Variants in SECISBP2L observed in about 807,000 individuals in gnomAD.
SECISBP2L encodes the protein selenocysteine insertion sequence-binding protein 2-like.
A neutral mutation model predicts 114.7 loss-of-function variants in SECISBP2L; 43 were observed. The ratio of observed to expected loss-of-function variants is 0.38; its 90% CI spans 0.29 to 0.48. The LOEUF (loss-of-function observed/expected upper bound fraction) is 0.48, where lower values mean the gene tolerates loss of function less well. Among genes scored for constraint, SECISBP2L ranks in the 20% least tolerant of loss-of-function variants. SECISBP2L has a pLI of 0.98. For missense variants in SECISBP2L, 1,136 were observed against 1,301.1 expected (o/e 0.87, Z 1.95); for synonymous variants, 451 against 439.7 (o/e 1.03, Z -0.32).
chr15:49,035,703 A>G (rs762568105), intron 2 of SECISBP2L, 45 bp from the exon 3 acceptor site: 7 of 1,528,822 alleles, frequency 4.6e-6, no homozygotes, highest in Non-Finnish European at 6.2e-6. Flanking sequence ...GACAAGTCTA[A>G]AAATACCACT....
At position 49,019,443 on chromosome 15, in the gene SECISBP2L, G is replaced by T; in HGVS notation, c.1145C>A (p.Pro382Gln). 6.9e-7 allele frequency: 1 copy of T among 1,454,280 alleles called. No individual in the cohort carries two copies. Among genetic ancestry groups the T allele is most frequent in the Non-Finnish European group, 9.0e-7 (1 of 1,114,720 alleles). 90.1% of individuals were successfully genotyped at this position (1,454,280 alleles called of 1,614,324 possible). The change falls in exon 8 of 18, where the codon CCA becomes CAA. Residue 382 changes from proline to glutamine, a missense_variant. This residue lies in a region of SECISBP2L where 684 missense variants were observed against 848.7 expected (regional missense o/e 0.81). Transcript: ENST00000559471. ...LSSSQSHRSD[P>Q]NSESLYFEDE... is the part of the protein sequence containing the mutation. ...CTCAAAATATAAAGACTCAGAATTT[G>T]GATCGCTTCTATGGGATTGACTAGA...
rs1331760920 is a variant in SECISBP2L at position 49,009,328 on chromosome 15, T to A, written c.1915A>T (p.Asn639Tyr). 6.2e-7 allele frequency: 1 copy of A among 1,614,148 alleles called. No individual in the cohort carries two copies. Reference sequence around the variant, plus strand: ...ACAGGTGTCATACAGTATGGAGAGTTCTGACTTGCTGGAGAGAGTGAAGTA... The same window carrying A: ...ACAGGTGTCATACAGTATGGAGAGTACTGACTTGCTGGAGAGAGTGAAGTA... ...SDTSLSPASQNSPYCMTPVSQ... is the reference protein window; with the variant it reads ...SDTSLSPASQYSPYCMTPVSQ... The change falls in exon 14 of 18, where the codon AAC (asparagine) becomes TAC (tyrosine). Residue 639 changes from asparagine (N) to tyrosine (Y), a missense_variant. Transcript: ENST00000559471.
At chr15:49,009,727 C>CCT (rs1194325357) in intron 13 of SECISBP2L, among the ~76,000 whole-genome samples, 1 of 151,630 alleles carries the variant, frequency 6.6e-6, no homozygotes, top group African/African-American at 2.4e-5. Flanking sequence ...AAAAACATTC[C>CCT]CTCTCTCTCT....
rs1342227244 is a variant in SECISBP2L, at chr15:49,016,719, A to G, written c.1420-18T>C. 12 of 1,528,268 alleles carry G rather than the reference A, an allele frequency of 7.9e-6. No homozygotes were observed. In the Admixed American group the frequency reaches 8.8e-5, roughly 11 times the overall value. The allele number at this position is 1,528,268 out of a possible 1,614,324, so 94.7% of individuals were successfully genotyped here. A position where few individuals can be genotyped will look rare whatever the true frequency, so the allele number is the denominator to read the frequency against. On this transcript the variant is annotated intron_variant, in intron 10 of 17. Coordinates refer to ENST00000559471, the MANE Select transcript of SECISBP2L (RefSeq NM_001193489.2). ...AAAGCTTCCTACAAAATAAATATAAAAAATTAATTTTTTTGTTATAGTACG... is the reference window on the plus strand; with the variant it reads ...AAAGCTTCCTACAAAATAAATATAAGAAATTAATTTTTTTGTTATAGTACG...
chr15:48,996,459 A>T lies in SECISBP2L; in HGVS notation c.2531T>A (p.Met844Lys). ...TGCAGAGGGATTCCGAGAATGTCCCATGTGGTGTGGTACCTTCTTCACATT... is the reference window on the plus strand; with the variant it reads ...TGCAGAGGGATTCCGAGAATGTCCCTTGTGGTGTGGTACCTTCTTCACATT... ...LKNVKKVPHH[M>K]GHSRNPSAAS... Residue 844 changes from methionine to lysine, a missense_variant, in exon 17 of 18, where the codon ATG (methionine) becomes AAG (lysine). Physicochemically the swap from Met to Lys is moderately conservative, Grantham distance 95 (BLOSUM62 -1). Coordinates refer to ENST00000559471, the MANE Select transcript of SECISBP2L (RefSeq NM_001193489.2). 6.2e-7 allele frequency: 1 copy of T among 1,614,124 alleles called. No individual in the cohort carries two copies. The highest frequency in any genetic ancestry group is 8.5e-7 in the Non-Finnish European group (1 of 1,179,990).
At chr15:49,026,485 A>G (rs948835670) in intron 7 of SECISBP2L, among the ~76,000 whole-genome samples, 13 of 152,228 alleles carry the variant, frequency 8.5e-5, no homozygotes, top group Admixed American at 7.9e-4. Context: ...ACTATACTTT[A>G]TAACTATGTA....
At chr15:49,014,387 C>T (rs1902496111) in intron 11 of SECISBP2L, among the ~76,000 whole-genome samples, 1 of 152,186 alleles carries the variant, frequency 6.6e-6, no homozygotes, top group African/African-American at 2.4e-5. Context: ...AATCTGATTT[C>T]CACAACTTCA....
chr15:49,045,492 T>C (rs527624639), intron 1 of SECISBP2L, among the ~76,000 whole-genome samples: 2 of 152,192 alleles, frequency 1.3e-5, no homozygotes, highest in South Asian at 4.1e-4. Flanking sequence ...GAGTGGAAAA[T>C]ACTGGGGGGG....
chr15:49,034,109 T>C (rs995546582), intron 3 of SECISBP2L, among the ~76,000 whole-genome samples: 3 of 152,074 alleles, frequency 2.0e-5, no homozygotes, highest in Admixed American at 2.0e-4. Context: ...GAACAAAAAC[T>C]AAAAGCTTTT....
chr15:49,001,211 G>T, intron 14 of SECISBP2L, 114 bp from the exon 15 acceptor site: 1 of 682,750 alleles, frequency 1.5e-6, no homozygotes, highest in Non-Finnish European at 2.4e-6. Context: ...AAGTTTTCAT[G>T]AAAAGTCTCT....
At chr15:48,997,970 C>T (rs1902128923) in intron 16 of SECISBP2L, among the ~76,000 whole-genome samples, 1 of 152,182 alleles carries the variant, frequency 6.6e-6, no homozygotes, top group South Asian at 2.1e-4. Flanking sequence ...TCTACAGCCA[C>T]CAGAAGGCCA....
intron 14 of SECISBP2L, among the ~76,000 whole-genome samples, chr15:49,005,337 AAG>A (rs1902294701): frequency 7.0e-6 from 1 of 142,770 alleles, no homozygotes; most frequent in Admixed American, 7.0e-5. Flanking sequence ...CTCAAAAAAA[AAG>A]TCTCCCACTA....
chr15:48,997,006 G>C (rs1902105834), intron 16 of SECISBP2L, among the ~76,000 whole-genome samples: 1 of 152,206 alleles, frequency 6.6e-6, no homozygotes, highest in African/African-American at 2.4e-5. Flanking sequence ...CATGCCTTGA[G>C]AGGTGTAAAG....
Position 49,017,022 on chromosome 15 carries a change from T to C in SECISBP2L, c.1252-7A>G. On this transcript the variant is annotated splice_polypyrimidine_tract_variant and splice_region_variant and intron_variant, in intron 9 of 17. Coordinates refer to ENST00000559471, the MANE Select transcript of SECISBP2L (RefSeq NM_001193489.2). ...TTTCAGGTAAATCATCCAACTATGA[T>C]AACCAGAAAAAACACATTTGTTAGT... The C allele has an allele frequency of 6.2e-7, 1 of 1,607,704 alleles. No individual in the cohort carries two copies. Among genetic ancestry groups the C allele is most frequent in the Non-Finnish European group, 8.5e-7 (1 of 1,178,016 alleles).
At chr15:48,999,357 CAA>C (rs1235591307) in intron 16 of SECISBP2L, among the ~76,000 whole-genome samples, 1 of 152,032 alleles carries the variant, frequency 6.6e-6, no homozygotes, top group African/African-American at 2.4e-5. Flanking sequence ...AGCAGATTGC[CAA>C]AGAGATGATG....
chr15:48,993,820 T>C (rs966930560), intron 17 of SECISBP2L, among the ~76,000 whole-genome samples: 3 of 151,910 alleles, frequency 2.0e-5, no homozygotes, highest in Non-Finnish European at 4.4e-5. Flanking sequence ...GTACCAAGAA[T>C]CAGTAAAGAT....
At chr15:49,045,429 T>C (rs959497905) in intron 1 of SECISBP2L, among the ~76,000 whole-genome samples, 1 of 152,198 alleles carries the variant, frequency 6.6e-6, no homozygotes, top group Non-Finnish European at 1.5e-5. Flanking sequence ...AAGAAGGGAA[T>C]AGAGAGTGAA....
chr15:49,000,817 T>C, intron 15 of SECISBP2L, 60 bp downstream of exon 15: 1 of 1,348,106 alleles, frequency 7.4e-7, no homozygotes. Flanking sequence ...TTCTACTTTA[T>C]ATTCACTGTA....
chr15:48,997,842 C>A (rs145602356), intron 16 of SECISBP2L, among the ~76,000 whole-genome samples: 14 of 152,216 alleles, frequency 9.2e-5, no homozygotes, highest in African/African-American at 3.4e-4. Context: ...GCACTCCAGC[C>A]TGGGCAACAA....
Sources: allele counts gnomAD v4.1 joint callset (sites outside exome capture counted in the v4.1 genomes callset), GRCh38; gene constraint gnomAD v4.1.1; regional missense constraint gnomAD v4.1.1; transcripts MANE v1.5; gene names NCBI Gene and HGNC (gene_info 2026-07-23, HGNC 2026-07-21).